Variants in GALNT17 observed in about 807,000 individuals in gnomAD.
The protein encoded by GALNT17 is polypeptide N-acetylgalactosaminyltransferase 17, also known as UDP-GalNAc:polypeptide N-acetylgalactosaminyltransferase-like 3.
GALNT17 carries 29 observed loss-of-function variants against 63.7 expected under a neutral mutation model. The ratio of observed to expected loss-of-function variants is 0.46; its 90% CI spans 0.34 to 0.62. The LOEUF (loss-of-function observed/expected upper bound fraction) is 0.62. GALNT17 is among the 20% of genes least tolerant of loss of function. The probability of loss-of-function intolerance (pLI) is 0.01; values close to 1 mark genes in which losing one functional copy is unlikely to be tolerated. For synonymous variants in GALNT17, 305 were observed against 318.3 expected, an observed-to-expected ratio of 0.96 and a Z score of 0.45; for missense variants, 603 against 799.6, an observed-to-expected ratio of 0.75 and a Z score of 2.97.
At chr7:71,145,889 A>G (rs1179301833) in intron 1 of GALNT17, among the ~76,000 whole-genome samples, 2 of 152,098 alleles carry the variant, frequency 1.3e-5, no homozygotes, top group Non-Finnish European at 2.9e-5. Flanking sequence ...TATTTTTAGT[A>G]GACACTGGTT....
chr7:71,535,317 C>T (rs1173879478), intron 5 of GALNT17, among the ~76,000 whole-genome samples: 1 of 152,162 alleles, frequency 6.6e-6, no homozygotes, highest in Non-Finnish European at 1.5e-5. Flanking sequence ...GCATTTTCAT[C>T]CGTCTTAGCA....
intron 3 of GALNT17, among the ~76,000 whole-genome samples, chr7:71,394,108 G>A (rs1247689497): frequency 6.6e-6 from 1 of 152,052 alleles, no homozygotes; most frequent in Admixed American, 6.6e-5. Flanking sequence ...TTTCACACAC[G>A]GTTCTGTAGA....
At chr7:71,668,010 G>C (rs1209235384) in intron 7 of GALNT17, among the ~76,000 whole-genome samples, 1 of 152,052 alleles carries the variant, frequency 6.6e-6, no homozygotes, top group African/African-American at 2.4e-5. Context: ...CGTTGCCCAG[G>C]CTGGTCTTGA....
rs537960138 is a variant in GALNT17, at chr7:71,398,775, G to A, written c.589+10374G>A. Among the ~76,000 whole-genome samples, 9 of 152,292 alleles carry A rather than the reference G, an allele frequency of 5.9e-5. No homozygotes were observed. The South Asian group carries it at 1.9e-3, about 32-fold the overall frequency. The stretch of plus-strand genomic sequence containing the variant: ...AATAGATGATGATCGCACAATAATA[G>A]GTATGTACCTAATGTCACTGAACTG... On this transcript the variant is annotated intron_variant, in intron 3 of 10. Coordinates refer to ENST00000333538, the MANE Select transcript of GALNT17 (RefSeq NM_022479.3).
At chr7:71,675,854 A>G (rs975090904) in intron 8 of GALNT17, among the ~76,000 whole-genome samples, 3 of 152,016 alleles carry the variant, frequency 2.0e-5, no homozygotes, top group Admixed American at 1.3e-4. Context: ...TGGGCGTGGT[A>G]GCGGGCGACT....
At chr7:71,575,517 T>G (rs895753639) in intron 6 of GALNT17, among the ~76,000 whole-genome samples, 5 of 151,778 alleles carry the variant, frequency 3.3e-5, no homozygotes, top group Admixed American at 1.3e-4. Context: ...GCCTCCCGAG[T>G]AGCTGGGACT....
At position 71,323,041 on chromosome 7, in the gene GALNT17, A is replaced by AG. The variant is rs537180626; in HGVS notation, c.239-12508dup. Reference sequence around the variant, plus strand: ...GGGTGTGTTTAGCCTGGAAAAAAAAAGAAGATAAAAGGACGGTTAATGATA... The same window carrying AG: ...GGGTGTGTTTAGCCTGGAAAAAAAAAGGAAGATAAAAGGACGGTTAATGATA... On this transcript the variant is annotated intron_variant, in intron 1 of 10. Coordinates refer to ENST00000333538, the MANE Select transcript of GALNT17 (RefSeq NM_022479.3). Among the ~76,000 whole-genome samples, 5 of 152,310 alleles carry AG rather than the reference A, an allele frequency of 3.3e-5. No homozygotes were observed. In the East Asian group the frequency reaches 7.7e-4, roughly 23 times the overall value.
At chr7:71,567,053 T>G (rs1420480273) in intron 5 of GALNT17, among the ~76,000 whole-genome samples, 2 of 152,174 alleles carry the variant, frequency 1.3e-5, no homozygotes, top group African/African-American at 2.4e-5. Flanking sequence ...AAGCCACCCC[T>G]TCAGGAGAAA....
intron 1 of GALNT17, among the ~76,000 whole-genome samples, chr7:71,302,342 C>T (rs1791216153): frequency 6.6e-6 from 1 of 152,076 alleles, no homozygotes; most frequent in South Asian, 2.1e-4. Flanking sequence ...TGCGTGTATC[C>T]CAGAACCTAA....
intron 9 of GALNT17, among the ~76,000 whole-genome samples, chr7:71,692,765 A>T (rs940468846): frequency 8.0e-5 from 12 of 149,128 alleles, no homozygotes; most frequent in South Asian, 2.1e-4. Flanking sequence ...TTGAGAAGGA[A>T]TCTCACTCTG....
intron 1 of GALNT17, among the ~76,000 whole-genome samples, chr7:71,201,241 T>TTTTATATATATATATA (rs1789163354): frequency 7.2e-6 from 1 of 138,380 alleles, no homozygotes; most frequent in African/African-American, 2.8e-5. Flanking sequence ...GTGTTTATTT[T>TTTTATATATATATATA]TATATATATA....
At position 71,315,219 on chromosome 7, in the gene GALNT17, G is replaced by A. The variant is rs977877688; in HGVS notation, c.239-20331G>A. Among the ~76,000 whole-genome samples the A allele has an allele frequency of 1.1e-4, 17 of 152,060 alleles. 1 individual carries two copies. The highest frequency in any genetic ancestry group is 4.1e-4 in the African/African-American group (17 of 41,386). On this transcript the variant is annotated intron_variant, in intron 1 of 10. Transcript: ENST00000333538. ...TATCGGTACTTCCTTTCTTTTTATA[G>A]TCAAATCATATTCCATTGTATGGAT...
At chr7:71,509,682 G>T (rs1788322991) in intron 5 of GALNT17, among the ~76,000 whole-genome samples, 1 of 152,120 alleles carries the variant, frequency 6.6e-6, no homozygotes, top group African/African-American at 2.4e-5. Flanking sequence ...CTAGGATCTG[G>T]GCATGCAATT....
intron 6 of GALNT17, among the ~76,000 whole-genome samples, chr7:71,654,891 C>G (rs1349346350): frequency 1.3e-5 from 2 of 152,108 alleles, no homozygotes; most frequent in Non-Finnish European, 2.9e-5. Context: ...TGGGTTCGAG[C>G]GATTCGTCTG....
chr7:71,304,523 A>T (rs1041129261), intron 1 of GALNT17, among the ~76,000 whole-genome samples: 9 of 152,080 alleles, frequency 5.9e-5, no homozygotes, highest in African/African-American at 2.2e-4. Flanking sequence ...GTTAAGAAAC[A>T]CTCCAAGGGC....
chr7:71,452,609 G>C (rs1246809602), intron 5 of GALNT17, among the ~76,000 whole-genome samples: 3 of 152,252 alleles, frequency 2.0e-5, no homozygotes, highest in Admixed American at 6.5e-5. Context: ...TTTTATAATG[G>C]CTGTTGGATA....
rs1455740797 is a variant in GALNT17 at position 71,288,483 on chromosome 7, CT to C, written c.239-47063del. ...TCATTCTGACATCCCATGAGTCTGT[CT>C]TTTCCTGACTATAAGCCCTGAGCGG... is the stretch of plus-strand genomic sequence containing the variant. On this transcript the variant is annotated intron_variant, in intron 1 of 10. Coordinates refer to ENST00000333538, the MANE Select transcript of GALNT17 (RefSeq NM_022479.3). Among the ~76,000 whole-genome samples, 3 of 152,274 alleles carry C rather than the reference CT, an allele frequency of 2.0e-5. No homozygotes were observed. The East Asian group carries it at 5.8e-4, about 29-fold the overall frequency.
At chr7:71,433,637 T>C (rs1046561788) in intron 5 of GALNT17, among the ~76,000 whole-genome samples, 1 of 152,130 alleles carries the variant, frequency 6.6e-6, no homozygotes, top group Non-Finnish European at 1.5e-5. Flanking sequence ...TGGTTAACCC[T>C]GAGATTTTGC....
At chr7:71,239,355 C>G (rs983863572) in intron 1 of GALNT17, among the ~76,000 whole-genome samples, 1 of 151,602 alleles carries the variant, frequency 6.6e-6, no homozygotes, top group Non-Finnish European at 1.5e-5. Context: ...TGCCTGTAGT[C>G]CCAGCTACCT....
Sources: gnomAD v4.1 joint callset for allele counts (sites outside exome capture counted in the v4.1 genomes callset) on GRCh38, gnomAD v4.1.1 for gene constraint, MANE v1.5 for transcripts, NCBI Gene and HGNC (gene_info 2026-07-23, HGNC 2026-07-21) for gene names.